RSU1: variants seen among roughly 807,000 people sequenced by gnomAD.
RSU1 encodes Ras suppressor protein 1.
RSU1 carries 26 observed loss-of-function variants against 31.1 expected under a neutral mutation model. That is an observed-to-expected ratio of 0.84 (90% CI 0.61 to 1.16). RSU1 has a LOEUF of 1.16. RSU1 is among the 50% of genes most tolerant of loss of function. The pLI, the probability that RSU1 is intolerant of heterozygous loss-of-function variation, is 0.00. For missense variants in RSU1, 320 were observed against 339.1 expected, an observed-to-expected ratio of 0.94 and a Z score of 0.44; for synonymous variants, 164 against 136.3, an observed-to-expected ratio of 1.20 and a Z score of -1.41.
chr10:16,656,346 G>T (rs1834777997), intron 8 of RSU1, among the ~76,000 whole-genome samples: 1 of 152,110 alleles, frequency 6.6e-6, no homozygotes, highest in Non-Finnish European at 1.5e-5. Flanking sequence ...ACTTGAAATG[G>T]CTGCCTAGGA....
At position 16,646,061 on chromosome 10, in the gene RSU1, T is replaced by TAC. The variant is rs57414227; in HGVS notation, c.731+48960_731+48961dup. Among the ~76,000 whole-genome samples the TAC allele has an allele frequency of 0.01, 820 of 78,954 alleles. 193 individuals are homozygous for TAC. In the East Asian group the frequency reaches 0.2, roughly 19 times the overall value. The allele number at this position is 78,954 out of a possible 152,430, so 51.8% of individuals were successfully genotyped here. A position where few individuals can be genotyped will look rare whatever the true frequency, so the allele number is the denominator to read the frequency against. ...ATATACATATATGTGTATATATATA[T>TAC]ACACACACACACACACACACACACA... is the stretch of plus-strand genomic sequence containing the variant. On this transcript the variant is annotated intron_variant, in intron 8 of 8. Transcript: ENST00000345264.
intron 8 of RSU1, among the ~76,000 whole-genome samples, chr10:16,597,568 T>C (rs2131453734): frequency 6.6e-6 from 1 of 152,252 alleles, no homozygotes; most frequent in East Asian, 1.9e-4. Flanking sequence ...CCTTGCAGGG[T>C]GTTTCGGTAA....
At chr10:16,628,293 C>T (rs1383877623) in intron 8 of RSU1, among the ~76,000 whole-genome samples, 2 of 152,168 alleles carry the variant, frequency 1.3e-5, no homozygotes, top group African/African-American at 2.4e-5. Context: ...AGAATATCAG[C>T]GCATTATAAA....
intron 7 of RSU1, among the ~76,000 whole-genome samples, chr10:16,703,704 G>T (rs1161866898): frequency 6.6e-6 from 1 of 152,132 alleles, no homozygotes; most frequent in Non-Finnish European, 1.5e-5. Flanking sequence ...AACTTATACA[G>T]CATGATCTTA....
At position 16,811,424 on chromosome 10, in the gene RSU1, C is replaced by T. The variant is rs78548065; in HGVS notation, c.109+5549G>A. 5.3e-5 allele frequency among the ~76,000 whole-genome samples: 8 copies of T among 152,320 alleles called. No homozygotes were observed. In the East Asian group the frequency reaches 1.3e-3, roughly 26 times the overall value. ...CTAGGCCCTTATAGATATTAATTCA[C>T]AATGACCCTATGAGGTGCTCTTATT... On this transcript the variant is annotated intron_variant, in intron 2 of 8. Transcript: ENST00000345264.
chr10:16,800,075 A>G (rs1838119846), intron 2 of RSU1, among the ~76,000 whole-genome samples: 1 of 152,202 alleles, frequency 6.6e-6, no homozygotes, highest in African/African-American at 2.4e-5. Flanking sequence ...AACACAAGGA[A>G]GACACAAGAG....
At chr10:16,790,900 T>C (rs184261404) in intron 2 of RSU1, among the ~76,000 whole-genome samples, 11 of 152,328 alleles carry the variant, frequency 7.2e-5, no homozygotes, top group Admixed American at 2.6e-4. Context: ...CTCCCAGCCA[T>C]GCTTCCAGGT....
At chr10:16,624,563 G>A (rs964306221) in intron 8 of RSU1, among the ~76,000 whole-genome samples, 6 of 152,070 alleles carry the variant, frequency 3.9e-5, no homozygotes, top group Non-Finnish European at 7.4e-5. Flanking sequence ...ACTTACACTA[G>A]CTCACTACTG....
At chr10:16,708,256 T>G (rs1835944446) in intron 7 of RSU1, among the ~76,000 whole-genome samples, 1 of 152,162 alleles carries the variant, frequency 6.6e-6, no homozygotes, top group Non-Finnish European at 1.5e-5. Flanking sequence ...TACTATATTC[T>G]TACAATAAAG....
Position 16,725,506 on chromosome 10 carries a change from G to A in RSU1, c.598+27033C>T, listed in dbSNP as rs548622494. On this transcript the variant is annotated intron_variant, in intron 7 of 8. Coordinates refer to ENST00000345264, the MANE Select transcript of RSU1 (RefSeq NM_012425.4). ...ATCAACGAAAGCATCTTGAGCGGGG[G>A]GCCTTCAGGAGGTGATTAAGTCATG... Among the ~76,000 whole-genome samples the A allele has an allele frequency of 1.2e-4, 19 of 152,162 alleles. No homozygotes were observed. In the South Asian group the frequency reaches 3.9e-3, roughly 32 times the overall value.
chr10:16,687,760 C>G (rs900316460), intron 8 of RSU1, among the ~76,000 whole-genome samples: 1 of 152,144 alleles, frequency 6.6e-6, no homozygotes, highest in Non-Finnish European at 1.5e-5. Context: ...CACTCTATCA[C>G]TGAAGCTGGA....
At chr10:16,671,391 C>A (rs746745621) in intron 8 of RSU1, among the ~76,000 whole-genome samples, 2 of 152,130 alleles carry the variant, frequency 1.3e-5, no homozygotes, top group Non-Finnish European at 2.9e-5. Flanking sequence ...AGGCTTTGTT[C>A]TACATTCTCC....
At chr10:16,790,341 G>A (rs1837885484) in intron 2 of RSU1, among the ~76,000 whole-genome samples, 1 of 152,122 alleles carries the variant, frequency 6.6e-6, no homozygotes. Flanking sequence ...TCTAAAAAAT[G>A]TCCTGGTTTG....
intron 8 of RSU1, among the ~76,000 whole-genome samples, chr10:16,640,128 G>C (rs1179687509): frequency 6.6e-6 from 1 of 152,036 alleles, no homozygotes; most frequent in Non-Finnish European, 1.5e-5. Flanking sequence ...GGAAGAGAGG[G>C]AAGGAAAAGG....
At chr10:16,599,288 T>A (rs79365601) in intron 8 of RSU1, among the ~76,000 whole-genome samples, 4 of 152,198 alleles carry the variant, frequency 2.6e-5, no homozygotes, top group African/African-American at 7.2e-5. Flanking sequence ...TTGTAACTTG[T>A]ACTTTTCCCC....
At chr10:16,808,985 AC>A (rs1481537040) in intron 2 of RSU1, among the ~76,000 whole-genome samples, 2 of 152,210 alleles carry the variant, frequency 1.3e-5, no homozygotes, top group Non-Finnish European at 2.9e-5. Context: ...CCCTGCTGAC[AC>A]TATGATCTTG....
intron 2 of RSU1, among the ~76,000 whole-genome samples, chr10:16,807,228 C>G (rs1404513680): frequency 2.0e-5 from 3 of 152,216 alleles, no homozygotes; most frequent in Non-Finnish European, 4.4e-5. Context: ...ATTGCTTGTT[C>G]TGATGTGTGC....
At position 16,592,745 on chromosome 10, in the gene RSU1, T is replaced by TGAGA. The variant is rs1444600417; in HGVS notation, c.*645_*648dup. On this transcript the variant is annotated 3_prime_UTR_variant, in exon 9 of 9. Transcript: ENST00000345264. ...AAAAAAAAAACTTGACAAATTAATGTGAGAAGAAACGAACTGTGATTTAAT... is the reference window on the plus strand; with the variant it reads ...AAAAAAAAAACTTGACAAATTAATGTGAGAGAGAAGAAACGAACTGTGATTTAAT... 10 of 152,304 alleles carry TGAGA rather than the reference T, an allele frequency of 6.6e-5. No individual in the cohort carries two copies. Among genetic ancestry groups the TGAGA allele is most frequent in the African/African-American group, 2.4e-4 (10 of 41,562 alleles). 9.4% of individuals were successfully genotyped at this position (152,304 alleles called of 1,614,324 possible).
intron 8 of RSU1, among the ~76,000 whole-genome samples, chr10:16,610,525 T>C (rs1248233493): frequency 6.6e-6 from 1 of 152,068 alleles, no homozygotes; most frequent in Non-Finnish European, 1.5e-5. Flanking sequence ...TTACAGCTGC[T>C]CCCCATTGCA....
Sources: gnomAD v4.1 joint callset for allele counts (sites outside exome capture counted in the v4.1 genomes callset) on GRCh38, gnomAD v4.1.1 for gene constraint, MANE v1.5 for transcripts, NCBI Gene and HGNC (gene_info 2026-07-23, HGNC 2026-07-21) for gene names.